The following SLC25A21 variants were observed in gnomAD, a reference collection of about 807,000 sequenced individuals.
SLC25A21 encodes the protein solute carrier family 25 member 21.
SLC25A21 carries 47 observed loss-of-function variants against 43.8 expected under a neutral mutation model. The observed-to-expected ratio is 1.07, with a 90% confidence interval of 0.85 to 1.37. The LOEUF is 1.37. SLC25A21 is among the 40% of genes most tolerant of loss of function. SLC25A21 has a pLI of 0.00. For missense variants in SLC25A21, 352 were observed against 350.2 expected (o/e 1.00, Z -0.04); for synonymous variants, 131 against 121.3 (o/e 1.08, Z -0.52).
chr14:36,913,652 GTTAAGT>G (rs1322954560), intron 1 of SLC25A21, among the ~76,000 whole-genome samples: 1 of 152,188 alleles, frequency 6.6e-6, no homozygotes, highest in Non-Finnish European at 1.5e-5. Flanking sequence ...TAAAACAAGG[GTTAAGT>G]TTGAGTGAAA....
At chr14:36,979,462 TCTC>T (rs1430162375) in intron 1 of SLC25A21, among the ~76,000 whole-genome samples, 2 of 151,990 alleles carry the variant, frequency 1.3e-5, no homozygotes, top group African/African-American at 4.8e-5. Context: ...TTCAAGCAAT[TCTC>T]CTGCGTCAGC....
intron 3 of SLC25A21, among the ~76,000 whole-genome samples, chr14:36,789,358 A>C (rs905971096): frequency 6.6e-6 from 1 of 151,762 alleles, no homozygotes. Context: ...TCTTCAGGGA[A>C]AAAAAAAGGA....
intron 1 of SLC25A21, among the ~76,000 whole-genome samples, chr14:37,139,643 T>C (rs1330703736): frequency 1.3e-5 from 2 of 152,146 alleles, no homozygotes; most frequent in Non-Finnish European, 1.5e-5. Flanking sequence ...CTATGAATCT[T>C]CAAGAAGAAC....
At chr14:37,079,679 C>T (rs1420360197) in intron 1 of SLC25A21, among the ~76,000 whole-genome samples, 1 of 152,184 alleles carries the variant, frequency 6.6e-6, no homozygotes, top group African/African-American at 2.4e-5. Flanking sequence ...GCCTCCTGCT[C>T]AGACCAAAGA....
At chr14:36,846,246 ACT>A (rs1398255706) in intron 2 of SLC25A21, among the ~76,000 whole-genome samples, 1 of 152,064 alleles carries the variant, frequency 6.6e-6, no homozygotes, top group African/African-American at 2.4e-5. Flanking sequence ...GCCTTGACTA[ACT>A]CTATACGAAG....
chr14:36,979,555 C>T (rs1340201421), intron 1 of SLC25A21, among the ~76,000 whole-genome samples: 1 of 152,070 alleles, frequency 6.6e-6, no homozygotes, highest in African/African-American at 2.4e-5. Flanking sequence ...AGGGTTTTGC[C>T]ATATTGGCCA....
rs533584702 is a variant in SLC25A21 at position 37,095,381 on chromosome 14, G to A, written c.70+76900C>T. 1.4e-3 allele frequency among the ~76,000 whole-genome samples: 219 copies of A among 152,242 alleles called. 2 individuals are homozygous for A. Among genetic ancestry groups the A allele is most frequent in the African/African-American group, 4.3e-3 (179 of 41,542 alleles). On this transcript the variant is annotated intron_variant, in intron 1 of 9. Coordinates refer to ENST00000331299, the MANE Select transcript of SLC25A21 (RefSeq NM_030631.4). ...AAAAATACAAAAATTAACCGGGAGT[G>A]GTGGCACATGCCTGTAAGCCCAGCT...
At position 37,073,830 on chromosome 14, in the gene SLC25A21, G is replaced by A. The variant is rs149585186; in HGVS notation, c.70+98451C>T. On this transcript the variant is annotated intron_variant, in intron 1 of 9. Coordinates refer to ENST00000331299, the MANE Select transcript of SLC25A21 (RefSeq NM_030631.4). ...CAGGTTAGCCTCCTGCGATCCCACT[G>A]CTCCTTGATTGATCAAGGAACTTAA... Among the ~76,000 whole-genome samples the A allele has an allele frequency of 8.9e-3, 1,355 of 152,052 alleles. 9 individuals are homozygous for A. The highest frequency in any genetic ancestry group is 0.051 in the Middle Eastern group (15 of 294).
At chr14:36,685,919 TA>T (rs1882516031) in intron 7 of SLC25A21, among the ~76,000 whole-genome samples, 1 of 152,142 alleles carries the variant, frequency 6.6e-6, no homozygotes, top group Non-Finnish European at 1.5e-5. Flanking sequence ...TCACATACTA[TA>T]AGCTGCTGAC....
intron 6 of SLC25A21, among the ~76,000 whole-genome samples, chr14:36,712,800 T>C (rs1594514714): frequency 6.6e-6 from 1 of 152,358 alleles, no homozygotes; most frequent in Non-Finnish European, 1.5e-5. Flanking sequence ...CAAAAAATTT[T>C]CTGAAGGTTA....
At chr14:37,006,129 A>G (rs1034660218) in intron 1 of SLC25A21, among the ~76,000 whole-genome samples, 36 of 152,180 alleles carry the variant, frequency 2.4e-4, no homozygotes, top group Non-Finnish European at 4.0e-4. Context: ...TGATAAATGT[A>G]TCACATTCTT....
In SLC25A21 at chr14:37,153,581, T is replaced by C. The variant is rs377428642; in HGVS notation, c.70+18700A>G. Among the ~76,000 whole-genome samples, 71 of 152,314 alleles carry C rather than the reference T, an allele frequency of 4.7e-4. 1 individual carries two copies. The East Asian group carries it at 0.01, about 22-fold the overall frequency. On this transcript the variant is annotated intron_variant, in intron 1 of 9. Coordinates refer to ENST00000331299, the MANE Select transcript of SLC25A21 (RefSeq NM_030631.4). ...AGGGTAGGGGGTGAACCCCCAGGAC[T>C]GGGGCTAGAAAGAAACGTGCATTCC...
intron 1 of SLC25A21, among the ~76,000 whole-genome samples, chr14:36,938,281 G>C (rs1270678820): frequency 6.6e-6 from 1 of 152,044 alleles, no homozygotes; most frequent in African/African-American, 2.4e-5. Context: ...AACTCCCCTA[G>C]GCACAGAGTG....
chr14:37,149,878 T>C (rs999601973), intron 1 of SLC25A21, among the ~76,000 whole-genome samples: 3 of 152,138 alleles, frequency 2.0e-5, no homozygotes, highest in African/African-American at 7.2e-5. Context: ...TTTAAAGACA[T>C]GGGAAAGTTA....
intron 7 of SLC25A21, among the ~76,000 whole-genome samples, chr14:36,706,198 C>T (rs543999835): frequency 2.0e-4 from 30 of 152,316 alleles, no homozygotes; most frequent in South Asian, 1.5e-3. Flanking sequence ...TGCATACTAA[C>T]GAGCTCCACT....
At chr14:36,977,884 G>A (rs546714645) in intron 1 of SLC25A21, among the ~76,000 whole-genome samples, 10 of 150,406 alleles carry the variant, frequency 6.6e-5, no homozygotes, top group South Asian at 4.2e-4. Context: ...TGGGATATGC[G>A]CTCAGAGATT....
chr14:36,893,925 C>T (rs1377628726), intron 1 of SLC25A21, among the ~76,000 whole-genome samples: 1 of 152,128 alleles, frequency 6.6e-6, no homozygotes, highest in Admixed American at 6.5e-5. Context: ...CAGTACCATG[C>T]TGTTTTGGTT....
chr14:36,711,281 A>T (rs1311451217), intron 7 of SLC25A21, 37 bp downstream of exon 7: 1 of 1,598,334 alleles, frequency 6.3e-7, no homozygotes, highest in Admixed American at 1.7e-5. Flanking sequence ...CACTGATAGG[A>T]TTTTTCCTCC....
intron 2 of SLC25A21, among the ~76,000 whole-genome samples, chr14:36,835,625 T>C (rs910276715): frequency 6.6e-6 from 1 of 152,188 alleles, no homozygotes; most frequent in African/African-American, 2.4e-5. Flanking sequence ...ATACAATTCA[T>C]TTTTTACAAA....
Sources: allele counts gnomAD v4.1 joint callset (sites outside exome capture counted in the v4.1 genomes callset), GRCh38; gene constraint gnomAD v4.1.1; transcripts MANE v1.5; gene names NCBI Gene and HGNC (gene_info 2026-07-23, HGNC 2026-07-21).